NKAIN3: variants seen among roughly 807,000 people sequenced by gnomAD.
NKAIN3 encodes sodium/potassium-transporting ATPase subunit beta-1-interacting protein 3.
Under a neutral mutation model 30.2 loss-of-function variants are expected in NKAIN3, and 25 were observed. The ratio of observed to expected loss-of-function variants is 0.83; its 90% CI spans 0.60 to 1.16. The LOEUF is 1.16. Ranked by LOEUF, NKAIN3 falls within the 50% of genes most tolerant of loss-of-function variation. NKAIN3 has a pLI of 0.00. For missense variants in NKAIN3, 225 were observed against 254.1 expected, an observed-to-expected ratio of 0.89 and a Z score of 0.78; for synonymous variants, 91 against 89.6, an observed-to-expected ratio of 1.02 and a Z score of -0.09.
chr8:62,643,986 C>G (rs923954717), intron 3 of NKAIN3, among the ~76,000 whole-genome samples: 1 of 152,078 alleles, frequency 6.6e-6, no homozygotes, highest in Non-Finnish European at 1.5e-5. Context: ...AAAGGACACC[C>G]ATGCTCTCTG....
At chr8:62,508,175 G>A (rs1297555637) in intron 1 of NKAIN3, among the ~76,000 whole-genome samples, 1 of 152,162 alleles carries the variant, frequency 6.6e-6, no homozygotes, top group African/African-American at 2.4e-5. Context: ...AATCTGATTA[G>A]AGAGTGGTGA....
At chr8:62,435,102 C>A (rs1356715434) in intron 1 of NKAIN3, among the ~76,000 whole-genome samples, 2 of 152,048 alleles carry the variant, frequency 1.3e-5, no homozygotes, top group African/African-American at 4.8e-5. Flanking sequence ...GATAAGTGGA[C>A]AATTTTCTGG....
intron 3 of NKAIN3, among the ~76,000 whole-genome samples, chr8:62,707,163 A>G (rs1000839768): frequency 2.6e-5 from 4 of 152,038 alleles, no homozygotes; most frequent in Non-Finnish European, 5.9e-5. Flanking sequence ...CAATTTTGCA[A>G]TTGTGAATTG....
intron 4 of NKAIN3, among the ~76,000 whole-genome samples, chr8:62,799,951 T>C (rs1563567353): frequency 6.6e-6 from 1 of 152,086 alleles, no homozygotes; most frequent in Non-Finnish European, 1.5e-5. Flanking sequence ...AACTCAGGAA[T>C]GGAAAACCAA....
At chr8:62,611,453 T>C (rs536082423) in intron 3 of NKAIN3, among the ~76,000 whole-genome samples, 1 of 152,200 alleles carries the variant, frequency 6.6e-6, no homozygotes, top group Non-Finnish European at 1.5e-5. Flanking sequence ...CCCATCAGAC[T>C]CCCGCTCTGG....
intron 1 of NKAIN3, among the ~76,000 whole-genome samples, chr8:62,444,587 A>T (rs144965154): frequency 1.8e-4 from 28 of 152,310 alleles, no homozygotes; most frequent in Admixed American, 5.9e-4. Flanking sequence ...TCCATTAGGT[A>T]TATATACACC....
At chr8:62,318,536 T>C (rs1349117039) in intron 1 of NKAIN3, among the ~76,000 whole-genome samples, 2 of 152,198 alleles carry the variant, frequency 1.3e-5, no homozygotes, top group Non-Finnish European at 2.9e-5. Flanking sequence ...AGGCCTTTTC[T>C]TCATCTATTG....
At chr8:62,512,933 C>T (rs1807860562) in intron 1 of NKAIN3, among the ~76,000 whole-genome samples, 1 of 152,006 alleles carries the variant, frequency 6.6e-6, no homozygotes. Flanking sequence ...TATTTAGAAA[C>T]AAATAAAATT....
chr8:62,612,615 T>C (rs1811331535), intron 3 of NKAIN3, among the ~76,000 whole-genome samples: 1 of 152,038 alleles, frequency 6.6e-6, no homozygotes, highest in Non-Finnish European at 1.5e-5. Flanking sequence ...AATGTTATTA[T>C]TGATAAGTAA....
chr8:62,764,881 A>C (rs1373245179), intron 4 of NKAIN3, among the ~76,000 whole-genome samples: 2 of 152,150 alleles, frequency 1.3e-5, no homozygotes, highest in Non-Finnish European at 1.5e-5. Flanking sequence ...CAGAAGGAAA[A>C]TCCAATTATC....
At chr8:62,947,875 G>A (rs368714342) in intron 5 of NKAIN3, among the ~76,000 whole-genome samples, 11 of 152,166 alleles carry the variant, frequency 7.2e-5, no homozygotes, top group East Asian at 1.9e-4. Context: ...GCAGCCTCCC[G>A]TGCCCCAGCT....
intron 4 of NKAIN3, among the ~76,000 whole-genome samples, chr8:62,797,867 T>C (rs1817915129): frequency 6.6e-6 from 1 of 151,950 alleles, no homozygotes; most frequent in South Asian, 2.1e-4. Flanking sequence ...AAAGGGGAAA[T>C]TTGTAGACCG....
chr8:62,921,489 T>G (rs1403333946), intron 5 of NKAIN3, among the ~76,000 whole-genome samples: 1 of 152,174 alleles, frequency 6.6e-6, no homozygotes, highest in African/African-American at 2.4e-5. Flanking sequence ...TAATAAATAC[T>G]TGAGGAAACA....
chr8:62,506,476 C>CTTTTTTTTTTTTT lies in NKAIN3; in HGVS notation c.55-73059_55-73047dup, dbSNP rs71255341. Among the ~76,000 whole-genome samples, 22 of 98,450 alleles carry CTTTTTTTTTTTTT rather than the reference C, an allele frequency of 2.2e-4. 1 individual carries two copies. The highest frequency in any genetic ancestry group is 6.2e-4 in the African/African-American group (15 of 24,268). 64.6% of individuals were successfully genotyped at this position (98,450 alleles called of 152,430 possible). A position where few individuals can be genotyped will look rare whatever the true frequency, so the allele number is the denominator to read the frequency against. On this transcript the variant is annotated intron_variant, in intron 1 of 6. Coordinates refer to ENST00000623646, the MANE Select transcript of NKAIN3 (RefSeq NM_001304533.3). ...TCTGCTTTTTCTTTTTTCTTTCTTTCTTTTTTTTTTTTTTTTGAGACAGAG... is the reference window on the plus strand; with the variant it reads ...TCTGCTTTTTCTTTTTTCTTTCTTTCTTTTTTTTTTTTTTTTTTTTTTTTTTTTTGAGACAGAG...
chr8:62,638,220 G>C (rs774518511), intron 3 of NKAIN3, among the ~76,000 whole-genome samples: 13 of 152,148 alleles, frequency 8.5e-5, no homozygotes, highest in Non-Finnish European at 1.9e-4. Flanking sequence ...AGTGATGGTA[G>C]GAGGAGGACT....
chr8:62,548,418 C>G (rs919637584), intron 1 of NKAIN3, among the ~76,000 whole-genome samples: 17 of 152,264 alleles, frequency 1.1e-4, no homozygotes, highest in Non-Finnish European at 7.4e-5. Context: ...CAGTCTGCCC[C>G]TGTCCAGGGG....
At chr8:62,992,605 A>G (rs927034869) in intron 5 of NKAIN3, among the ~76,000 whole-genome samples, 9 of 151,564 alleles carry the variant, frequency 5.9e-5, no homozygotes, top group African/African-American at 1.7e-4. Flanking sequence ...CACCCTTTCA[A>G]CTTTCCCTTT....
At chr8:62,776,865 C>T (rs182944654) in intron 4 of NKAIN3, among the ~76,000 whole-genome samples, 102 of 152,194 alleles carry the variant, frequency 6.7e-4, no homozygotes, top group Non-Finnish European at 1.3e-3. Flanking sequence ...TAAACAACTC[C>T]CTGTAGCATT....
At chr8:62,734,455 T>C (rs774448838) in intron 3 of NKAIN3, among the ~76,000 whole-genome samples, 1 of 152,222 alleles carries the variant, frequency 6.6e-6, no homozygotes, top group Non-Finnish European at 1.5e-5. Flanking sequence ...TTAGTCTTAA[T>C]CTTTGGAAAA....
Sources: gnomAD v4.1 joint callset for allele counts (sites outside exome capture counted in the v4.1 genomes callset) on GRCh38, gnomAD v4.1.1 for gene constraint, MANE v1.5 for transcripts, NCBI Gene and HGNC (gene_info 2026-07-23, HGNC 2026-07-21) for gene names.